Variants in VSTM4 observed in about 807,000 individuals in gnomAD.
The protein encoded by VSTM4 is V-set and transmembrane domain-containing protein 4.
VSTM4 carries 20 observed loss-of-function variants against 36.4 expected under a neutral mutation model. The ratio of observed to expected loss-of-function variants is 0.55; its 90% confidence interval spans 0.39 to 0.80. The LOEUF (loss-of-function observed/expected upper bound fraction) is 0.80, where lower values mean the gene tolerates loss of function less well. Ranked by LOEUF, VSTM4 falls within the 30% of genes least tolerant of loss-of-function variation. The probability of loss-of-function intolerance (pLI) is 0.00; values close to 1 mark genes in which losing one functional copy is unlikely to be tolerated. For synonymous variants in VSTM4, 182 were observed against 173.9 expected, an observed-to-expected ratio of 1.05 and a Z score of -0.37; for missense variants, 392 against 404.5, an observed-to-expected ratio of 0.97 and a Z score of 0.26.
chr10:49,098,060 C>T (rs1312985482), intron 2 of VSTM4, among the ~76,000 whole-genome samples: 2 of 152,196 alleles, frequency 1.3e-5, no homozygotes, highest in Non-Finnish European at 2.9e-5. Context: ...AAATAAGCCA[C>T]CCCTTGGAGA....
At position 49,025,198 on chromosome 10, in the gene VSTM4, C is replaced by T. The variant is rs890187908; in HGVS notation, c.838-5423G>A. On this transcript the variant is annotated intron_variant, in intron 7 of 7. Transcript: ENST00000332853. Reference sequence around the variant, plus strand: ...AATAAAGTCTGTTGTTTTAAGCTGCCCTGACTATGTGACTGTGGTGTTTTG... The same window carrying T: ...AATAAAGTCTGTTGTTTTAAGCTGCTCTGACTATGTGACTGTGGTGTTTTG... Among the ~76,000 whole-genome samples the T allele has an allele frequency of 4.6e-5, 7 of 152,074 alleles. No individual in the cohort carries two copies. The South Asian group carries it at 8.3e-4, about 18-fold the overall frequency.
intron 7 of VSTM4, among the ~76,000 whole-genome samples, chr10:49,031,503 G>A (rs1018691627): frequency 8.5e-5 from 13 of 152,188 alleles, no homozygotes; most frequent in African/African-American, 2.7e-4. Flanking sequence ...TAAACAGTCC[G>A]TTGCTTTGAA....
intron 5 of VSTM4, among the ~76,000 whole-genome samples, chr10:49,051,010 G>C (rs1447718618): frequency 6.6e-6 from 1 of 152,158 alleles, no homozygotes; most frequent in African/African-American, 2.4e-5. Flanking sequence ...TCCTGCACTA[G>C]AGTAGGGCAT....
intron 3 of VSTM4, among the ~76,000 whole-genome samples, chr10:49,080,499 C>A (rs910473484): frequency 6.6e-6 from 1 of 152,246 alleles, no homozygotes; most frequent in Admixed American, 6.5e-5. Flanking sequence ...GAATAGATTT[C>A]TGCTCTTGGC....
chr10:49,107,494 G>A, intron 2 of VSTM4, 100 bp downstream of exon 2: 2 of 1,449,778 alleles, frequency 1.4e-6, no homozygotes, highest in South Asian at 1.4e-5. Flanking sequence ...ATGTTCTAGT[G>A]CAACACAGCC....
At chr10:49,055,975 G>A (rs1276579818) in intron 5 of VSTM4, among the ~76,000 whole-genome samples, 1 of 152,254 alleles carries the variant, frequency 6.6e-6, no homozygotes, top group African/African-American at 2.4e-5. Flanking sequence ...GAGTGCCTAT[G>A]CACCCAGAAA....
At chr10:49,063,584 T>C (rs1212380873) in intron 5 of VSTM4, among the ~76,000 whole-genome samples, 2 of 152,240 alleles carry the variant, frequency 1.3e-5, no homozygotes, top group Non-Finnish European at 2.9e-5. Flanking sequence ...ATAGTTCCAA[T>C]GGCATTTTCA....
At chr10:49,105,205 CAGAGAGACAGAGAG>C (rs1251749324) in intron 2 of VSTM4, among the ~76,000 whole-genome samples, 1 of 70,650 alleles carries the variant, frequency 1.4e-5, no homozygotes, top group Admixed American at 1.5e-4. Context: ...GAGGGAGAGA[CAGAGAGACAGAGAG>C]AGAGAGAGAG....
intron 7 of VSTM4, among the ~76,000 whole-genome samples, chr10:49,039,061 C>T (rs1215672710): frequency 6.6e-6 from 1 of 152,176 alleles, no homozygotes. Context: ...GAGCTGTCTA[C>T]AAGCAGGTCA....
At chr10:49,030,260 A>G (rs1843324929) in intron 7 of VSTM4, among the ~76,000 whole-genome samples, 1 of 152,224 alleles carries the variant, frequency 6.6e-6, no homozygotes, top group Non-Finnish European at 1.5e-5. Context: ...CTCTAGCAGC[A>G]TAACTCATAG....
At position 49,058,034 on chromosome 10, in the gene VSTM4, T is replaced by C. The variant is rs914056566; in HGVS notation, c.668+6669A>G. On this transcript the variant is annotated intron_variant, in intron 5 of 7. Transcript: ENST00000332853. ...TTTTGGTGAGGTTTGCTTTTGCAAA[T>C]AGATGCCTCTAATGAGAGGCCATTG... Among the ~76,000 whole-genome samples the C allele has an allele frequency of 2.0e-5, 3 of 152,134 alleles. No homozygotes were observed. The East Asian group carries it at 5.8e-4, about 29-fold the overall frequency.
intron 5 of VSTM4, among the ~76,000 whole-genome samples, chr10:49,058,237 AG>A (rs1401574402): frequency 6.6e-6 from 1 of 152,192 alleles, no homozygotes; most frequent in African/African-American, 2.4e-5. Flanking sequence ...ATGAAGCAAA[AG>A]GCCAGGAGAC....
chr10:49,068,318 C>T, intron 4 of VSTM4, among the ~76,000 whole-genome samples: 1 of 152,046 alleles, frequency 6.6e-6, no homozygotes, highest in Non-Finnish European at 1.5e-5. Context: ...TTGATAAGTC[C>T]AGTGCTCGAG....
chr10:49,106,222 A>C (rs564096152), intron 2 of VSTM4, among the ~76,000 whole-genome samples: 1 of 152,352 alleles, frequency 6.6e-6, no homozygotes, highest in Admixed American at 6.5e-5. Context: ...TCCTTTAAAA[A>C]GGCTTGTCAA....
At position 49,103,538 on chromosome 10, in the gene VSTM4, C is replaced by T. The variant is rs1430749609; in HGVS notation, c.457+4056G>A. Reference sequence around the variant, plus strand: ...ATATTACTTTTGCAATAGAAAACAACCAACATATGGAAATCAGGACAGATA... The same window carrying T: ...ATATTACTTTTGCAATAGAAAACAATCAACATATGGAAATCAGGACAGATA... On this transcript the variant is annotated intron_variant, in intron 2 of 7. Coordinates refer to ENST00000332853, the MANE Select transcript of VSTM4 (RefSeq NM_001031746.5). The T allele has an allele frequency of 6.9e-6, 9 of 1,310,570 alleles. No homozygotes were observed. In the African/African-American group the frequency reaches 1.3e-4, roughly 19 times the overall value. 81.2% of individuals were successfully genotyped at this position (1,310,570 alleles called of 1,614,324 possible).
chr10:49,038,023 G>C lies in VSTM4; in HGVS notation c.837+8960C>G, dbSNP rs1473945538. On this transcript the variant is annotated intron_variant, in intron 7 of 7. Coordinates refer to ENST00000332853, the MANE Select transcript of VSTM4 (RefSeq NM_001031746.5). ...GTGCTCTTTGTAGGAATGTAAAATGGTGCAGCTGATTTGGAAAACAGTGTA... is the reference window on the plus strand; with the variant it reads ...GTGCTCTTTGTAGGAATGTAAAATGCTGCAGCTGATTTGGAAAACAGTGTA... 2.0e-5 allele frequency among the ~76,000 whole-genome samples: 3 copies of C among 151,890 alleles called. No homozygotes were observed. The East Asian group carries it at 5.8e-4, about 29-fold the overall frequency.
At chr10:49,057,122 ATCTGCC>A (rs1244907660) in intron 5 of VSTM4, among the ~76,000 whole-genome samples, 5 of 152,022 alleles carry the variant, frequency 3.3e-5, no homozygotes, top group Non-Finnish European at 5.9e-5. Context: ...TTCATGAGGG[ATCTGCC>A]CCCATGACCC....
chr10:49,067,589 T>C (rs1236781186), intron 4 of VSTM4, among the ~76,000 whole-genome samples: 5 of 152,238 alleles, frequency 3.3e-5, no homozygotes, highest in African/African-American at 7.2e-5. Context: ...GGGAAGACCA[T>C]GTGAAGACAC....
intron 7 of VSTM4, among the ~76,000 whole-genome samples, chr10:49,038,478 G>T (rs534733441): frequency 6.6e-6 from 1 of 152,196 alleles, no homozygotes. Context: ...GGTGTTTCTT[G>T]AGTACAGAGT....
Sources: allele counts gnomAD v4.1 joint callset (sites outside exome capture counted in the v4.1 genomes callset), GRCh38; gene constraint gnomAD v4.1.1; transcripts MANE v1.5; gene names NCBI Gene and HGNC (gene_info 2026-07-23, HGNC 2026-07-21).